Variants in TAB2 observed in about 807,000 individuals in gnomAD.
TAB2 encodes TGF-beta activated kinase 1 (MAP3K7) binding protein 2.
In TAB2, 3 loss-of-function variants were observed where a neutral mutation model predicts 65.0. The ratio of observed to expected loss-of-function variants is 0.05; its 90% CI spans 0.02 to 0.12. TAB2 has a LOEUF of 0.12. TAB2 is among the 10% of genes least tolerant of loss of function. TAB2 has a pLI of 1.00. For missense variants in TAB2, 623 were observed against 840.3 expected, an observed-to-expected ratio of 0.74 and a Z score of 3.20; for synonymous variants, 298 against 285.1, an observed-to-expected ratio of 1.05 and a Z score of -0.46.
intron 1 of TAB2, among the ~76,000 whole-genome samples, chr6:149,285,096 A>G (rs547578654): frequency 6.6e-6 from 1 of 152,332 alleles, no homozygotes; most frequent in African/African-American, 2.4e-5. Flanking sequence ...CCACTGACTC[A>G]TATCTCTGTG....
chr6:149,252,065 A>G (rs1296912070), intron 1 of TAB2, among the ~76,000 whole-genome samples: 2 of 152,180 alleles, frequency 1.3e-5, no homozygotes, highest in African/African-American at 2.4e-5. Flanking sequence ...GACTTCCAGG[A>G]TAAGCAGATA....
chr6:149,374,647 C>A (rs1781342087), intron 2 of TAB2, among the ~76,000 whole-genome samples: 1 of 152,214 alleles, frequency 6.6e-6, no homozygotes, highest in Non-Finnish European at 1.5e-5. Context: ...ACATCTGAAT[C>A]TACCAGTTGG....
chr6:149,286,040 A>G (rs1778671284), intron 1 of TAB2, among the ~76,000 whole-genome samples: 1 of 152,198 alleles, frequency 6.6e-6, no homozygotes, highest in Admixed American at 6.5e-5. Flanking sequence ...TATTTTATAA[A>G]TTATTTTAGT....
intron 1 of TAB2, chr6:149,247,385 C>T (rs1337265929): frequency 6.6e-6 from 1 of 152,176 alleles, no homozygotes; most frequent in Non-Finnish European, 1.5e-5. Context: ...AATCATGTCC[C>T]CTTTGTAGGT....
At chr6:149,326,852 T>C (rs1779636302) in intron 1 of TAB2, among the ~76,000 whole-genome samples, 1 of 152,218 alleles carries the variant, frequency 6.6e-6, no homozygotes, top group Non-Finnish European at 1.5e-5. Flanking sequence ...AAAGTCAACA[T>C]GTAGAGTGAA....
At chr6:149,302,750 A>G (rs185942103) in intron 1 of TAB2, among the ~76,000 whole-genome samples, 16 of 152,288 alleles carry the variant, frequency 1.1e-4, no homozygotes, top group Admixed American at 2.6e-4. Context: ...ATATCTATCT[A>G]TCTATCTCCC....
At chr6:149,399,540 C>A (rs1469281748) in intron 6 of TAB2, among the ~76,000 whole-genome samples, 1 of 144,756 alleles carries the variant, frequency 6.9e-6, no homozygotes, top group South Asian at 2.2e-4. Context: ...TCCCCCCCCC[C>A]ATGAGTATTT....
intron 1 of TAB2, among the ~76,000 whole-genome samples, chr6:149,352,029 C>T (rs558367007): frequency 6.6e-6 from 1 of 152,224 alleles, no homozygotes; most frequent in South Asian, 2.1e-4. Flanking sequence ...TTTATTTATT[C>T]ATTGGTTCCT....
At chr6:149,379,846 T>A (rs1456258110) in intron 3 of TAB2, 1 of 453,418 alleles carries the variant, frequency 2.2e-6, no homozygotes, top group Non-Finnish European at 4.4e-6. Context: ...TTAAATTTTC[T>A]GTAAATAAAA....
chr6:149,220,129 G>A (rs545392586), intron 1 of TAB2, among the ~76,000 whole-genome samples: 11 of 152,260 alleles, frequency 7.2e-5, no homozygotes, highest in East Asian at 3.9e-4. Context: ...AGAAGACAGC[G>A]TATGGGTTCT....
chr6:149,268,560 T>C (rs1778304651), intron 1 of TAB2, among the ~76,000 whole-genome samples: 1 of 152,222 alleles, frequency 6.6e-6, no homozygotes, highest in Non-Finnish European at 1.5e-5. Flanking sequence ...ATCCTTGCAT[T>C]GGATAAATTC....
Position 149,249,149 on chromosome 6 carries a change from CACAT to C in TAB2, c.-121+30377_-121+30380del, listed in dbSNP as rs1471869625. Among the ~76,000 whole-genome samples, 46 of 95,806 alleles carry C rather than the reference CACAT, an allele frequency of 4.8e-4. No homozygotes were observed. In the East Asian group the frequency reaches 8.7e-3, roughly 18 times the overall value. 62.9% of individuals were successfully genotyped at this position (95,806 alleles called of 152,430 possible). Reference sequence around the variant, plus strand: ...ACACACACACATACACACACACACACACATACACACACACACACACGCACACACA... The same window carrying C: ...ACACACACACATACACACACACACACACACACACACACACACGCACACACA... On this transcript the variant is annotated intron_variant, in intron 1 of 1. Coordinates refer to the TAB2 transcript ENST00000606202.
chr6:149,258,894 T>C (rs753146207), intron 1 of TAB2, among the ~76,000 whole-genome samples: 2 of 152,164 alleles, frequency 1.3e-5, no homozygotes, highest in Non-Finnish European at 2.9e-5. Flanking sequence ...AGCACAGAGG[T>C]TCAGCAGGGT....
In TAB2 at chr6:149,358,860, A is replaced by G. The variant is rs867745318; in HGVS notation, c.-89-11049A>G. 5.3e-5 allele frequency among the ~76,000 whole-genome samples: 8 copies of G among 150,964 alleles called. No individual in the cohort carries two copies. In the South Asian group the frequency reaches 6.4e-4, roughly 12 times the overall value. ...TAAGCTCTGCTGCTTTCTGGTTGCT[A>G]TTCTCTTATCCATCTTCCAGTTCAC... is the stretch of plus-strand genomic sequence containing the variant. On this transcript the variant is annotated intron_variant, in intron 1 of 6. Coordinates refer to ENST00000637181, the MANE Select transcript of TAB2 (RefSeq NM_001292034.3).
intron 1 of TAB2, among the ~76,000 whole-genome samples, chr6:149,264,669 A>G (rs1397279550): frequency 3.9e-5 from 6 of 152,350 alleles, no homozygotes; most frequent in Admixed American, 6.5e-5. Context: ...CCAGTGCAGG[A>G]ATGGCTGAAG....
intron 1 of TAB2, among the ~76,000 whole-genome samples, chr6:149,227,946 C>A (rs1246538033): frequency 6.6e-6 from 1 of 152,012 alleles, no homozygotes; most frequent in African/African-American, 2.4e-5. Flanking sequence ...GGCAAGAAGC[C>A]AGCGTAGCCA....
At chr6:149,303,049 A>G (rs1778997119) in intron 1 of TAB2, among the ~76,000 whole-genome samples, 1 of 152,210 alleles carries the variant, frequency 6.6e-6, no homozygotes, top group South Asian at 2.1e-4. Context: ...TGTGCTCCTT[A>G]TGAGAATCTA....
At chr6:149,254,043 G>T (rs551719100) in intron 1 of TAB2, among the ~76,000 whole-genome samples, 1 of 143,080 alleles carries the variant, frequency 7.0e-6, no homozygotes, top group Non-Finnish European at 1.5e-5. Flanking sequence ...AAGAGAGAAA[G>T]AAAGAGGGAG....
At chr6:149,279,764 C>T (rs1778539354) in intron 1 of TAB2, among the ~76,000 whole-genome samples, 1 of 152,150 alleles carries the variant, frequency 6.6e-6, no homozygotes, top group Non-Finnish European at 1.5e-5. Context: ...ATTACATATC[C>T]TATTGCCCTT....
Sources: allele counts gnomAD v4.1 joint callset (sites outside exome capture counted in the v4.1 genomes callset), GRCh38; gene constraint gnomAD v4.1.1; transcripts MANE v1.5; gene names NCBI Gene and HGNC (gene_info 2026-07-23, HGNC 2026-07-21).